The following PEAK1 variants were observed in gnomAD, a reference collection of about 807,000 sequenced individuals.
PEAK1 encodes pseudopodium enriched atypical kinase 1, also known as inactive tyrosine-protein kinase PEAK1.
Under a neutral mutation model 124.7 loss-of-function variants are expected in PEAK1, and 54 were observed. The ratio of observed to expected loss-of-function variants is 0.43; its 90% CI spans 0.35 to 0.54. PEAK1 has a LOEUF of 0.54. Among genes scored for constraint, PEAK1 ranks in the 20% least tolerant of loss-of-function variants. The pLI, the probability that PEAK1 is intolerant of heterozygous loss-of-function variation, is 0.01. For synonymous variants in PEAK1, 719 were observed against 760.0 expected (o/e 0.95, Z 0.89); for missense variants, 2,046 against 2,134.5 (o/e 0.96, Z 0.82).
At chr15:77,357,802 C>G (rs922164361) in intron 2 of PEAK1, among the ~76,000 whole-genome samples, 3 of 152,030 alleles carry the variant, frequency 2.0e-5, no homozygotes, top group African/African-American at 4.8e-5. Flanking sequence ...GACCACATAC[C>G]TTTTCTATTT....
chr15:77,118,736 C>A (rs1055871608), intron 9 of PEAK1, among the ~76,000 whole-genome samples: 3 of 152,120 alleles, frequency 2.0e-5, no homozygotes, highest in African/African-American at 7.2e-5. Context: ...ATGATTACTT[C>A]AGGACTCCTC....
At chr15:77,319,832 G>A (rs1022147252) in intron 2 of PEAK1, among the ~76,000 whole-genome samples, 11 of 151,976 alleles carry the variant, frequency 7.2e-5, no homozygotes, top group Admixed American at 4.6e-4. Flanking sequence ...CAAATTCATC[G>A]CTGTTTCTGG....
At chr15:77,106,801 T>C (rs1281615965), downstream of PEAK1, 2 of 152,212 alleles carry the variant, frequency 1.3e-5, no homozygotes, top group East Asian at 1.9e-4. Context: ...CATGGAGGTA[T>C]GGGGAGTTCC....
In PEAK1 at chr15:77,111,630, T is replaced by C. The variant is rs186604142; in HGVS notation, c.*2526A>G. ...ATCTGATATGAAGAGGTGCTTGGTT[T>C]ACCAGTGCTGTAAGATAATGGTAGT... On this transcript the variant is annotated 3_prime_UTR_variant, in exon 10 of 10. Transcript: ENST00000682557. 7 of 152,358 alleles carry C rather than the reference T, an allele frequency of 4.6e-5. No individual in the cohort carries two copies. In the East Asian group the frequency reaches 1.3e-3, roughly 29 times the overall value. The allele number at this position is 152,358 out of a possible 1,614,324, so 9.4% of individuals were successfully genotyped here.
At chr15:77,125,654 A>G (rs1250575967) in intron 9 of PEAK1, among the ~76,000 whole-genome samples, 4 of 152,264 alleles carry the variant, frequency 2.6e-5, no homozygotes, top group African/African-American at 9.6e-5. Flanking sequence ...GCTAATATGT[A>G]GCTAAAGCAC....
chr15:77,393,557 G>A (rs148536292), intron 1 of PEAK1, among the ~76,000 whole-genome samples: 2 of 152,274 alleles, frequency 1.3e-5, no homozygotes, highest in East Asian at 3.9e-4. Flanking sequence ...TGAAGGGAAG[G>A]ACCCAGTCCT....
chr15:77,244,761 G>T (rs917666953), intron 6 of PEAK1, among the ~76,000 whole-genome samples: 1 of 151,812 alleles, frequency 6.6e-6, no homozygotes, highest in Non-Finnish European at 1.5e-5. Context: ...GCTAATTTTT[G>T]TATTTTTAGT....
chr15:77,129,142 T>C (rs1395025744), intron 9 of PEAK1, among the ~76,000 whole-genome samples: 1 of 152,220 alleles, frequency 6.6e-6, no homozygotes, highest in Non-Finnish European at 1.5e-5. Context: ...ACTCTCTTCC[T>C]TCCTCTCTCC....
intron 8 of PEAK1, among the ~76,000 whole-genome samples, chr15:77,145,023 G>C: frequency 6.6e-6 from 1 of 152,186 alleles, no homozygotes; most frequent in East Asian, 1.9e-4. Flanking sequence ...AATAGATTGT[G>C]TTCTAAATCT....
intron 5 of PEAK1, among the ~76,000 whole-genome samples, chr15:77,268,255 A>T (rs2061843494): frequency 1.3e-5 from 2 of 152,192 alleles, no homozygotes; most frequent in African/African-American, 4.8e-5. Context: ...TGGGCAGATC[A>T]CTTGATGTCA....
chr15:77,263,995 AC>A (rs1428184238), intron 5 of PEAK1, among the ~76,000 whole-genome samples: 1 of 152,212 alleles, frequency 6.6e-6, no homozygotes, highest in Non-Finnish European at 1.5e-5. Context: ...AACAGAACCA[AC>A]GACAAAAACC....
In PEAK1 at chr15:77,264,559, A is replaced by G. The variant is rs1462611886; in HGVS notation, c.-274-12033T>C. On this transcript the variant is annotated intron_variant, in intron 5 of 9. Coordinates refer to ENST00000682557, the MANE Select transcript of PEAK1 (RefSeq NM_001385026.1). Reference sequence around the variant, plus strand: ...ATCCAATTTACAAGGGACGTGAAGGACCTCTTCAAGGAGAACTACAAACCA... The same window carrying G: ...ATCCAATTTACAAGGGACGTGAAGGGCCTCTTCAAGGAGAACTACAAACCA... Among the ~76,000 whole-genome samples the G allele has an allele frequency of 4.0e-4, 61 of 152,188 alleles. 2 individuals carry two copies. Among genetic ancestry groups the G allele is most frequent in the Admixed American group, 3.9e-3 (60 of 15,272 alleles).
intron 7 of PEAK1, among the ~76,000 whole-genome samples, chr15:77,159,399 G>A (rs2055435142): frequency 6.6e-6 from 1 of 152,154 alleles, no homozygotes; most frequent in African/African-American, 2.4e-5. Context: ...GACCAATCTT[G>A]TTTTACCATT....
chr15:77,221,503 T>C (rs747615488), intron 6 of PEAK1, among the ~76,000 whole-genome samples: 5 of 152,088 alleles, frequency 3.3e-5, no homozygotes, highest in Non-Finnish European at 1.5e-5. Flanking sequence ...AATGATAGTA[T>C]TGCTAAGCCC....
At chr15:77,105,353 TGTGTGC>T (rs772422296), downstream of PEAK1, 3,590 of 77,662 alleles carry the variant, frequency 0.046, 56 homozygotes, top group Non-Finnish European at 0.068. Context: ...TGTGTGTGTG[TGTGTGC>T]GCGCGTGCGC....
chr15:77,146,346 G>A (rs763710220), intron 8 of PEAK1, among the ~76,000 whole-genome samples: 25 of 152,228 alleles, frequency 1.6e-4, no homozygotes, highest in Non-Finnish European at 3.1e-4. Context: ...ACAATAAAAC[G>A]AACCTGATTT....
intron 6 of PEAK1, among the ~76,000 whole-genome samples, chr15:77,250,687 C>G (rs140326683): frequency 1.3e-5 from 2 of 152,106 alleles, no homozygotes; most frequent in African/African-American, 4.8e-5. Flanking sequence ...CCTGCCTCAG[C>G]CTCCCAAAGT....
chr15:77,215,455 G>A (rs893757812), intron 6 of PEAK1, among the ~76,000 whole-genome samples: 7 of 152,074 alleles, frequency 4.6e-5, no homozygotes, highest in Non-Finnish European at 2.9e-5. Flanking sequence ...TATATGAAAT[G>A]GTACAGTAAT....
At chr15:77,318,212 G>A (rs889366600) in intron 2 of PEAK1, among the ~76,000 whole-genome samples, 3 of 152,040 alleles carry the variant, frequency 2.0e-5, no homozygotes, top group East Asian at 3.8e-4. Context: ...AGTGAAATCT[G>A]AATAAGGCTT....
Sources: allele counts gnomAD v4.1 joint callset (sites outside exome capture counted in the v4.1 genomes callset), GRCh38; gene constraint gnomAD v4.1.1; transcripts MANE v1.5; gene names NCBI Gene and HGNC (gene_info 2026-07-23, HGNC 2026-07-21).